ODAD2: variants seen among roughly 807,000 people sequenced by gnomAD.
ODAD2 encodes outer dynein arm docking complex subunit 2.
Under a neutral mutation model 106.8 loss-of-function variants are expected in ODAD2, and 89 were observed. The observed-to-expected ratio is 0.83, with a 90% CI of 0.70 to 0.99. The LOEUF (loss-of-function observed/expected upper bound fraction) is 0.99. Among genes scored for constraint, ODAD2 ranks in the 50% least tolerant of loss-of-function variants. The pLI, the probability that ODAD2 is intolerant of heterozygous loss-of-function variation, is 0.00. For synonymous variants in ODAD2, 404 were observed against 436.2 expected (o/e 0.93, Z 0.92); for missense variants, 1,168 against 1,238.5 (o/e 0.94, Z 0.85).
intron 3 of ODAD2, 22 bp downstream of exon 3, chr10:27,987,364 C>G (rs1849935969): frequency 6.2e-7 from 1 of 1,601,028 alleles, no homozygotes; most frequent in Non-Finnish European, 8.5e-7. Context: ...GTTCAAATCA[C>G]AGACTGGAGC....
At chr10:27,837,206 G>T (rs1468992908) in intron 19 of ODAD2, among the ~76,000 whole-genome samples, 1 of 152,204 alleles carries the variant, frequency 6.6e-6, no homozygotes, top group African/African-American at 2.4e-5. Context: ...GTGCTGCCCT[G>T]TGACCACATG....
chr10:27,895,109 T>C (rs2133747324), intron 17 of ODAD2, among the ~76,000 whole-genome samples: 1 of 152,122 alleles, frequency 6.6e-6, no homozygotes, highest in Admixed American at 6.5e-5. Flanking sequence ...AGGTGATTTT[T>C]TTAATTTGCT....
At chr10:27,888,441 T>A (rs1018323767) in intron 17 of ODAD2, among the ~76,000 whole-genome samples, 1 of 152,188 alleles carries the variant, frequency 6.6e-6, no homozygotes, top group Non-Finnish European at 1.5e-5. Context: ...CAGTTTTTCA[T>A]ATTCCTGTTG....
At chr10:27,899,611 T>C (rs1440058971) in intron 17 of ODAD2, among the ~76,000 whole-genome samples, 2 of 150,464 alleles carry the variant, frequency 1.3e-5, no homozygotes, top group Non-Finnish European at 3.0e-5. Context: ...CGACCTGGCA[T>C]GCTCAAGCTT....
chr10:27,855,770 C>T lies in ODAD2; in HGVS notation c.3021+4855G>A, dbSNP rs922990517. 9.1e-4 allele frequency among the ~76,000 whole-genome samples: 139 copies of T among 152,200 alleles called. 1 individual carries two copies. Among genetic ancestry groups the T allele is most frequent in the Non-Finnish European group, 7.3e-5 (5 of 68,044 alleles). ...TAGCCTGTTGGCTGTACCAATTCAG[C>T]AGTTCCAATTGAACTGCTCTCCACT... is the stretch of plus-strand genomic sequence containing the variant. On this transcript the variant is annotated intron_variant, in intron 19 of 19. Coordinates refer to ENST00000305242, the MANE Select transcript of ODAD2 (RefSeq NM_018076.5).
chr10:27,907,922 A>G (rs1843719221), intron 16 of ODAD2, 145 bp from the exon 17 acceptor site: 6 of 583,244 alleles, frequency 1.0e-5, no homozygotes, highest in South Asian at 2.1e-5. Context: ...CATCAACAGT[A>G]GGGAGATAAC....
rs556416045 is a variant in ODAD2 at position 27,812,548 on chromosome 10, C to A, written c.3099G>T (p.Arg1033Ser). ...AAAGCISNIR[R>S]LALATEKARY... Reference sequence around the variant, plus strand: ...TTGCCTTCTCTGTAGCAAGAGCCAGCCTGCGGATATTGGATATACAACCAG... The same window carrying A: ...TTGCCTTCTCTGTAGCAAGAGCCAGACTGCGGATATTGGATATACAACCAG... Residue 1033 changes from arginine (R) to serine (S), a missense_variant, in exon 20 of 20, where the codon AGG becomes AGT. Physicochemically the swap from Arg to Ser is moderately radical, Grantham distance 110. Around this residue, in one of 3 missense-constraint regions of ODAD2, gnomAD observed 701 missense variants for 712.3 expected, o/e 0.98. Transcript: ENST00000305242. 13 of 1,613,172 alleles carry A rather than the reference C, an allele frequency of 8.1e-6. No homozygotes were observed. The East Asian group carries it at 2.7e-4, about 33-fold the overall frequency.
intron 7 of ODAD2, among the ~76,000 whole-genome samples, chr10:27,981,112 C>A (rs1052872206): frequency 6.6e-6 from 1 of 151,980 alleles, no homozygotes; most frequent in African/African-American, 2.4e-5. Context: ...CATGAAATAT[C>A]TAAAATAAGC....
At chr10:27,908,840 G>C (rs1253986388) in intron 16 of ODAD2, among the ~76,000 whole-genome samples, 1 of 151,858 alleles carries the variant, frequency 6.6e-6, no homozygotes, top group East Asian at 1.9e-4. Context: ...CGCTGAAAAA[G>C]AGCATTGAAA....
intron 19 of ODAD2, among the ~76,000 whole-genome samples, chr10:27,817,634 A>ATTAT (rs1836243912): frequency 6.6e-6 from 1 of 152,180 alleles, no homozygotes; most frequent in Admixed American, 6.5e-5. Context: ...AAGGGCCTCC[A>ATTAT]GTTCCATTTA....
Position 27,860,747 on chromosome 10 carries a change from G to A in ODAD2, c.2899C>T (p.Pro967Ser), listed in dbSNP as rs762619940. The A allele has an allele frequency of 7.4e-6, 12 of 1,614,012 alleles. No individual in the cohort carries two copies. Among genetic ancestry groups the A allele is most frequent in the African/African-American group, 1.3e-5 (1 of 74,908 alleles). The change falls in exon 19 of 20, where the codon CCA becomes TCA. Residue 967 changes from proline (P) to serine (S), a missense_variant. Pro to Ser is a moderately conservative substitution (Grantham distance 74). This residue lies in a region of ODAD2 where 701 missense variants were observed against 712.3 expected (regional missense o/e 0.98). Transcript: ENST00000305242. Reference protein sequence around the residue: ...VAFGEHKAVAPLVRYLKSNDT... With the variant: ...VAFGEHKAVASLVRYLKSNDT... ...TTTGATTTCAGATAACGCACTAGTG[G>A]AGCCACTGCTTTGTGCTCACCGAAG...
chr10:27,988,836 A>G (rs1364169786), intron 2 of ODAD2, among the ~76,000 whole-genome samples: 1 of 152,214 alleles, frequency 6.6e-6, no homozygotes, highest in African/African-American at 2.4e-5. Flanking sequence ...GTCACCTTAC[A>G]TGGCAAAAGG....
rs1198333384 is a variant in ODAD2, at chr10:27,870,796, A to G, written c.2611-8174T>C. On this transcript the variant is annotated intron_variant, in intron 17 of 19. Coordinates refer to ENST00000305242, the MANE Select transcript of ODAD2 (RefSeq NM_018076.5). Reference sequence around the variant, plus strand: ...TGGTTCCAAGTATTTGCTATTGTGAATAGTGCCACAATAAACATACGTGTG... The same window carrying G: ...TGGTTCCAAGTATTTGCTATTGTGAGTAGTGCCACAATAAACATACGTGTG... 2.0e-5 allele frequency among the ~76,000 whole-genome samples: 3 copies of G among 152,182 alleles called. No individual in the cohort carries two copies. In the East Asian group the frequency reaches 5.8e-4, roughly 29 times the overall value.
At chr10:27,900,677 C>A (rs1175978341) in intron 17 of ODAD2, among the ~76,000 whole-genome samples, 1 of 152,052 alleles carries the variant, frequency 6.6e-6, no homozygotes, top group African/African-American at 2.4e-5. Flanking sequence ...ACACAAGTAC[C>A]AATAGCTGAA....
At chr10:27,906,134 T>C (rs1039935808) in intron 17 of ODAD2, among the ~76,000 whole-genome samples, 1 of 152,092 alleles carries the variant, frequency 6.6e-6, no homozygotes, top group Non-Finnish European at 1.5e-5. Flanking sequence ...AGGGCTGATA[T>C]CCAGAATCTA....
intron 2 of ODAD2, 124 bp downstream of exon 2, chr10:27,994,795 T>C (rs1397940060): frequency 2.0e-6 from 2 of 1,009,508 alleles, no homozygotes; most frequent in Non-Finnish European, 2.9e-6. Flanking sequence ...CTGGTTTTCA[T>C]TCCCTGGTTT....
intron 19 of ODAD2, among the ~76,000 whole-genome samples, chr10:27,858,150 A>T (rs1394320329): frequency 6.6e-6 from 1 of 152,006 alleles, no homozygotes; most frequent in Non-Finnish European, 1.5e-5. Context: ...GCTTTCCTTT[A>T]TTCCCATATC....
At chr10:27,955,343 T>G (rs1375450126) in intron 10 of ODAD2, among the ~76,000 whole-genome samples, 1 of 152,082 alleles carries the variant, frequency 6.6e-6, no homozygotes, top group East Asian at 1.9e-4. Context: ...CTCACTCGAA[T>G]GAAGAAATCC....
At chr10:27,930,604 G>A (rs919537430) in intron 16 of ODAD2, among the ~76,000 whole-genome samples, 3 of 150,708 alleles carry the variant, frequency 2.0e-5, no homozygotes, top group Admixed American at 1.3e-4. Context: ...TCCAGCCTAG[G>A]CGACAGAGCC....
Sources: gnomAD v4.1 joint callset for allele counts (sites outside exome capture counted in the v4.1 genomes callset) on GRCh38, gnomAD v4.1.1 for gene constraint, gnomAD v4.1.1 regional missense constraint, MANE v1.5 for transcripts, NCBI Gene and HGNC (gene_info 2026-07-23, HGNC 2026-07-21) for gene names.